The following GET1 variants were observed in gnomAD, a reference collection of about 807,000 sequenced individuals.
GET1 encodes the protein congenital heart disease 5 protein.
GET1 carries 20 observed loss-of-function variants against 22.6 expected under a neutral mutation model. The ratio of observed to expected loss-of-function variants is 0.89; its 90% CI spans 0.62 to 1.29. The LOEUF is 1.29. Ranked by LOEUF, GET1 falls within the 50% of genes most tolerant of loss-of-function variation. The pLI, the probability that GET1 is intolerant of heterozygous loss-of-function variation, is 0.00. For synonymous variants in GET1, 92 were observed against 83.8 expected, an observed-to-expected ratio of 1.10 and a Z score of -0.53; for missense variants, 209 against 219.9, an observed-to-expected ratio of 0.95 and a Z score of 0.31.
intron 1 of GET1, among the ~76,000 whole-genome samples, chr21:39,383,266 T>TA (rs2037679125): frequency 1.3e-5 from 2 of 148,936 alleles, no homozygotes; most frequent in African/African-American, 5.0e-5. Context: ...TTTTTTTTTT[T>TA]ATTATTTATT....
intron 1 of GET1, among the ~76,000 whole-genome samples, chr21:39,425,681 A>G (rs994087269): frequency 6.6e-6 from 1 of 152,066 alleles, no homozygotes; most frequent in Admixed American, 6.5e-5. Flanking sequence ...GGTTTAAAAC[A>G]GGGGTGGGCG....
At chr21:39,411,602 AT>A, downstream of GET1, 1 of 513,210 alleles carries the variant, frequency 1.9e-6, no homozygotes, top group Non-Finnish European at 3.5e-6. Flanking sequence ...CACAAAATGT[AT>A]TTTAATGCCT....
In GET1 at chr21:39,397,140, G is replaced by A; in HGVS notation, c.*201G>A. The stretch of plus-strand genomic sequence containing the variant: ...CTACACCTGTCATTGAGCCAAGAAA[G>A]TCCAGTTTATGACACGTATGTACTA... On this transcript the variant is annotated 3_prime_UTR_variant, in exon 5 of 5. Transcript: ENST00000649170. The A allele has an allele frequency of 1.6e-6, 1 of 610,954 alleles. No individual in the cohort carries two copies. Among genetic ancestry groups the A allele is most frequent in the South Asian group, 2.0e-5 (1 of 49,886 alleles). The allele number at this position is 610,954 out of a possible 1,614,324, so 37.8% of individuals were successfully genotyped here.
rs1601838162 is a variant in GET1, at chr21:39,423,188, T to G, written c.*24-5044T>G. ...GATTTCCTAAGTAGTTGCCTTAAAT[T>G]TTTTACTTCATTCTGATGTTTAGCC... On this transcript the variant is annotated intron_variant, in intron 1 of 1. Transcript: ENST00000478273. 2 of 1,613,250 alleles carry G rather than the reference T, an allele frequency of 1.2e-6. No individual in the cohort carries two copies. The highest frequency in any genetic ancestry group is 1.7e-6 in the Non-Finnish European group (2 of 1,179,706).
At chr21:39,385,303 G>A (rs1245099926) in intron 1 of GET1, among the ~76,000 whole-genome samples, 2 of 152,106 alleles carry the variant, frequency 1.3e-5, no homozygotes, top group African/African-American at 4.8e-5. Context: ...CCCCGCACTG[G>A]TCTCCCCCCT....
downstream of GET1, among the ~76,000 whole-genome samples, chr21:39,402,681 C>T (rs1469493024): frequency 1.3e-5 from 2 of 152,222 alleles, no homozygotes; most frequent in African/African-American, 4.8e-5. Flanking sequence ...GCATTTTTAG[C>T]TTTTGTTACA....
At chr21:39,423,889 T>TC (rs1472364527) in intron 1 of GET1, among the ~76,000 whole-genome samples, 1 of 152,194 alleles carries the variant, frequency 6.6e-6, no homozygotes, top group Non-Finnish European at 1.5e-5. Context: ...GTGCAGTGGC[T>TC]CATGTCTGTA....
At chr21:39,390,171 G>A (rs894863508) in intron 1 of GET1, among the ~76,000 whole-genome samples, 12 of 151,744 alleles carry the variant, frequency 7.9e-5, no homozygotes, top group Non-Finnish European at 5.9e-5. Flanking sequence ...AAGGTGTACC[G>A]GTTCTGTCTG....
chr21:39,407,864 CTGCAACTGACG>C (rs1299947977), downstream of GET1: 1 of 152,276 alleles, frequency 6.6e-6, no homozygotes, highest in East Asian at 1.9e-4. Flanking sequence ...CACAGTGCAA[CTGCAACTGACG>C]ATCAGTTTCC....
downstream of GET1, among the ~76,000 whole-genome samples, chr21:39,402,150 C>T (rs182132946): frequency 5.9e-5 from 9 of 152,244 alleles, no homozygotes; most frequent in African/African-American, 1.7e-4. Flanking sequence ...GTCACCCAGG[C>T]TGGAGTGCAG....
At chr21:39,392,991 G>A (rs912919588) in intron 3 of GET1, 175 bp from the exon 4 acceptor site, 18 of 566,116 alleles carry the variant, frequency 3.2e-5, no homozygotes, top group Admixed American at 1.2e-4. Context: ...TTTCACCAAG[G>A]GACATTAGTG....
At chr21:39,410,194 C>T, downstream of GET1, 1 of 1,243,302 alleles carries the variant, frequency 8.0e-7, no homozygotes, top group South Asian at 1.2e-5. Context: ...TCACATAGAA[C>T]AAGTGACTGT....
chr21:39,392,950 C>T (rs550983761), intron 3 of GET1: 94 of 518,102 alleles, frequency 1.8e-4, no homozygotes, highest in Admixed American at 7.6e-4. Flanking sequence ...TGCTGCTGAG[C>T]TCGTCTTTAA....
intron 1 of GET1, chr21:39,387,827 C>T (rs1010823367): frequency 2.0e-6 from 2 of 985,610 alleles, no homozygotes; most frequent in Non-Finnish European, 2.4e-6. Context: ...GGAGAGTTGT[C>T]CCTACTGTGC....
At chr21:39,423,107 G>GT in intron 1 of GET1, 1 of 1,613,822 alleles carries the variant, frequency 6.2e-7, no homozygotes, top group Non-Finnish European at 8.5e-7. Flanking sequence ...TTAGTCTTCA[G>GT]TAACTGGCTG....
chr21:39,393,209 C>T lies in GET1; in HGVS notation c.380C>T (p.Pro127Leu), dbSNP rs781244521. 8 of 1,614,220 alleles carry T rather than the reference C, an allele frequency of 5.0e-6. No homozygotes were observed. Among genetic ancestry groups the T allele is most frequent in the Non-Finnish European group, 6.8e-6 (8 of 1,180,038 alleles). ...CTCATTTGGAAGTATTATTCTGTCC[C>T]TGTGGCTGTCGTGCCGAGTAAATGG... ...ISLIWKYYSV[P>L]VAVVPSKWIT... Residue 127 changes from proline to leucine, a missense_variant, in exon 4 of 5, where the codon CCT (proline) becomes CTT (leucine). Physicochemically the swap from Pro to Leu is moderately conservative, Grantham distance 98. Coordinates refer to ENST00000649170, the MANE Select transcript of GET1 (RefSeq NM_004627.6).
chr21:39,406,598 C>G (rs2039092975), exon 5 of GET1: 3 of 1,580,556 alleles, frequency 1.9e-6, no homozygotes, highest in Non-Finnish European at 2.6e-6. Flanking sequence ...AAATGTTTCT[C>G]TTCCCCTGAT....
chr21:39,398,294 C>T (rs2038749562), downstream of GET1, among the ~76,000 whole-genome samples: 1 of 152,168 alleles, frequency 6.6e-6, no homozygotes, highest in Admixed American at 6.5e-5. Flanking sequence ...GGGCACGTGC[C>T]TAACTCCCGT....
chr21:39,417,968 G>C (rs202048687), intron 1 of GET1, among the ~76,000 whole-genome samples: 1 of 152,056 alleles, frequency 6.6e-6, no homozygotes, highest in South Asian at 2.1e-4. Flanking sequence ...GGGTTTCGCC[G>C]TGTTTGCCAG....
Sources: gnomAD v4.1 joint callset for allele counts (sites outside exome capture counted in the v4.1 genomes callset) on GRCh38, gnomAD v4.1.1 for gene constraint, MANE v1.5 for transcripts, NCBI Gene and HGNC (gene_info 2026-07-23, HGNC 2026-07-21) for gene names.